EYS: variants seen among roughly 807,000 people sequenced by gnomAD.
EYS encodes the protein EGF-like photoreceptor maintenance factor.
EYS carries 250 observed loss-of-function variants against 282.1 expected under a neutral mutation model. The observed-to-expected ratio is 0.89, with a 90% confidence interval of 0.80 to 0.98. The LOEUF (loss-of-function observed/expected upper bound fraction) is 0.98, where lower values mean the gene tolerates loss of function less well. Among genes scored for constraint, EYS ranks in the 50% least tolerant of loss-of-function variants. The pLI, the probability that EYS is intolerant of heterozygous loss-of-function variation, is 0.00. For missense variants in EYS, 4,016 were observed against 3,709.0 expected, an observed-to-expected ratio of 1.08 and a Z score of -2.15; for synonymous variants, 1,355 against 1,282.9, an observed-to-expected ratio of 1.06 and a Z score of -1.20.
At chr6:65,034,148 A>G (rs987318066) in intron 13 of EYS, among the ~76,000 whole-genome samples, 4 of 152,178 alleles carry the variant, frequency 2.6e-5, no homozygotes, top group Non-Finnish European at 4.4e-5. Context: ...TGGAACAGCA[A>G]TGTTTACCCA....
intron 31 of EYS, among the ~76,000 whole-genome samples, chr6:64,219,051 G>C (rs1193850854): frequency 2.0e-5 from 3 of 152,102 alleles, no homozygotes; most frequent in African/African-American, 7.2e-5. Context: ...AGGTGTTGTG[G>C]GGAATCACCA....
intron 14 of EYS, among the ~76,000 whole-genome samples, chr6:64,963,001 T>C (rs946444237): frequency 5.3e-5 from 8 of 152,208 alleles, no homozygotes; most frequent in African/African-American, 1.2e-4. Flanking sequence ...ATATTTTCTA[T>C]GTAGTTTAAA....
intron 24 of EYS, among the ~76,000 whole-genome samples, chr6:64,596,860 G>C (rs1766602680): frequency 6.6e-6 from 1 of 152,062 alleles, no homozygotes; most frequent in Admixed American, 6.5e-5. Flanking sequence ...TAGACAAATG[G>C]AATTGAGTTA....
At chr6:64,259,285 G>C (rs1767503451) in intron 30 of EYS, among the ~76,000 whole-genome samples, 1 of 152,012 alleles carries the variant, frequency 6.6e-6, no homozygotes, top group Admixed American at 6.6e-5. Flanking sequence ...GACCAAAACA[G>C]CTGTAATGTT....
intron 22 of EYS, among the ~76,000 whole-genome samples, chr6:64,731,406 T>G (rs1194296317): frequency 1.3e-5 from 2 of 152,170 alleles, no homozygotes; most frequent in African/African-American, 4.8e-5. Context: ...AAAACATTTT[T>G]GCAATCCATC....
Position 65,702,168 on chromosome 6 carries a change from T to G in EYS, c.-448+4967A>C, listed in dbSNP as rs189381291. 2.0e-5 allele frequency among the ~76,000 whole-genome samples: 3 copies of G among 152,276 alleles called. No individual in the cohort carries two copies. In the East Asian group the frequency reaches 5.8e-4, roughly 29 times the overall value. ...TTTTGGAGAGAATATTTCTCTACTT[T>G]GTTTCTTTGACTATTTTCTTTCAAA... On this transcript the variant is annotated intron_variant, in intron 1 of 42. Transcript: ENST00000503581.
chr6:64,986,342 T>C (rs1269867724), intron 14 of EYS, among the ~76,000 whole-genome samples: 1 of 151,492 alleles, frequency 6.6e-6, no homozygotes, highest in African/African-American at 2.4e-5. Context: ...AAATAACACA[T>C]ACAAATTCCT....
chr6:63,773,387 G>A (rs778315798), intron 40 of EYS, among the ~76,000 whole-genome samples: 8 of 152,170 alleles, frequency 5.3e-5, no homozygotes, highest in Non-Finnish European at 8.8e-5. Flanking sequence ...CCAGTACAAG[G>A]TAATGAGTTA....
intron 11 of EYS, chr6:65,330,994 G>A (rs1769777453): frequency 2.0e-6 from 2 of 984,360 alleles, no homozygotes; most frequent in South Asian, 4.7e-5. Context: ...TACTCGGGTT[G>A]TTGTCAGAGC....
At chr6:64,382,823 A>G (rs1459333496) in intron 29 of EYS, among the ~76,000 whole-genome samples, 2 of 152,202 alleles carry the variant, frequency 1.3e-5, no homozygotes, top group Admixed American at 1.3e-4. Context: ...GGGCAGGAAT[A>G]CATAGATGCA....
chr6:65,018,527 T>A (rs1321747303), intron 13 of EYS, among the ~76,000 whole-genome samples: 1 of 152,202 alleles, frequency 6.6e-6, no homozygotes, highest in Non-Finnish European at 1.5e-5. Context: ...ACAAATTACA[T>A]CTGAACTGAT....
chr6:63,889,611 C>T (rs1773357038), intron 35 of EYS, among the ~76,000 whole-genome samples: 1 of 152,018 alleles, frequency 6.6e-6, no homozygotes. Flanking sequence ...TACAAGAGCT[C>T]CTGAAGAAAG....
At chr6:65,239,273 A>G (rs1329161700) in intron 12 of EYS, among the ~76,000 whole-genome samples, 2 of 152,094 alleles carry the variant, frequency 1.3e-5, no homozygotes, top group Non-Finnish European at 2.9e-5. Flanking sequence ...AAATTAATAA[A>G]GCATTTCTAT....
intron 8 of EYS, among the ~76,000 whole-genome samples, chr6:65,378,447 T>A (rs971466700): frequency 1.3e-5 from 2 of 152,154 alleles, no homozygotes; most frequent in Non-Finnish European, 2.9e-5. Flanking sequence ...GAGTGTAAAT[T>A]AGTTCAATCA....
chr6:65,288,961 T>C (rs912160012), intron 12 of EYS, among the ~76,000 whole-genome samples: 6 of 150,562 alleles, frequency 4.0e-5, no homozygotes, highest in African/African-American at 1.5e-4. Flanking sequence ...AAAGGGGAAA[T>C]TGGACAGACA....
intron 14 of EYS, among the ~76,000 whole-genome samples, chr6:64,963,473 G>A (rs1368605174): frequency 1.3e-5 from 2 of 152,060 alleles, no homozygotes; most frequent in African/African-American, 2.4e-5. Flanking sequence ...ATAATCCAAC[G>A]ACTTGAATAT....
At chr6:64,393,586 T>G (rs1273576561) in intron 28 of EYS, among the ~76,000 whole-genome samples, 1 of 152,056 alleles carries the variant, frequency 6.6e-6, no homozygotes, top group African/African-American at 2.4e-5. Flanking sequence ...CAACAACCCT[T>G]CATGCTAAAA....
chr6:65,244,613 T>C (rs649948), intron 12 of EYS, among the ~76,000 whole-genome samples: 52,001 of 151,592 alleles, frequency 0.34, 10,436 homozygotes, highest in African/African-American at 0.56. Flanking sequence ...CCCGGGTTCA[T>C]GCCATTCTCC....
intron 22 of EYS, among the ~76,000 whole-genome samples, chr6:64,664,366 T>C (rs1020854335): frequency 3.3e-5 from 5 of 152,160 alleles, no homozygotes; most frequent in African/African-American, 1.2e-4. Context: ...ATTGGTTGGG[T>C]GTGAGCTGAG....
Sources: allele counts gnomAD v4.1 joint callset (sites outside exome capture counted in the v4.1 genomes callset), GRCh38; gene constraint gnomAD v4.1.1; transcripts MANE v1.5; gene names NCBI Gene and HGNC (gene_info 2026-07-23, HGNC 2026-07-21).